Variants in NOTCH2 observed in about 807,000 individuals in gnomAD.
NOTCH2 encodes notch receptor 2.
A neutral mutation model predicts 235.8 loss-of-function variants in NOTCH2; 29 were observed. The observed-to-expected ratio is 0.12, with a 90% CI of 0.09 to 0.17. NOTCH2 has a LOEUF of 0.17. NOTCH2 is among the 10% of genes least tolerant of loss of function. The pLI is 1.00. For synonymous variants in NOTCH2, 1,086 were observed against 1,141.5 expected, an observed-to-expected ratio of 0.95 and a Z score of 0.98; for missense variants, 2,285 against 3,150.2, an observed-to-expected ratio of 0.73 and a Z score of 6.57.
chr1:119,965,365 G>T, intron 10 of NOTCH2, 88 bp downstream of exon 10: 2 of 1,050,892 alleles, frequency 1.9e-6, no homozygotes, highest in Non-Finnish European at 3.0e-6. Context: ...GGACTGGCCT[G>T]GCACAGCAGC....
intron 2 of NOTCH2, among the ~76,000 whole-genome samples, chr1:120,009,432 C>G (rs1246798659): frequency 8.6e-5 from 13 of 150,856 alleles, no homozygotes; most frequent in Non-Finnish European, 1.9e-4. Flanking sequence ...TTTACTTTTA[C>G]CTTAGAAGAT....
At chr1:120,048,741 C>G (rs1232350671) in intron 1 of NOTCH2, among the ~76,000 whole-genome samples, 2 of 118,304 alleles carry the variant, frequency 1.7e-5, no homozygotes, top group East Asian at 2.3e-4. Context: ...AGCCACCAAG[C>G]CCAGCCCCAG....
At chr1:120,011,556 C>T (rs1653192648) in intron 2 of NOTCH2, among the ~76,000 whole-genome samples, 1 of 152,134 alleles carries the variant, frequency 6.6e-6, no homozygotes, top group Non-Finnish European at 1.5e-5. Flanking sequence ...TGCCTCCCTT[C>T]CCAGGTATAT....
At chr1:119,977,753 T>C (rs1267545257) in intron 5 of NOTCH2, among the ~76,000 whole-genome samples, 3 of 152,206 alleles carry the variant, frequency 2.0e-5, no homozygotes, top group African/African-American at 7.2e-5. Context: ...AGAAAAATAC[T>C]AAAGTATCTT....
intron 1 of NOTCH2, among the ~76,000 whole-genome samples, chr1:120,065,485 G>A (rs1655471643): frequency 6.6e-6 from 1 of 152,212 alleles, no homozygotes; most frequent in Non-Finnish European, 1.5e-5. Context: ...TTGTACACGA[G>A]ATGGAAGCAA....
At position 119,937,611 on chromosome 1, in the gene NOTCH2, C is replaced by T. The variant is rs1381188438; in HGVS notation, c.3338-145G>A. 3 of 841,266 alleles carry T rather than the reference C, an allele frequency of 3.6e-6. No individual in the cohort carries two copies. The Admixed American group carries it at 6.3e-5, about 18-fold the overall frequency. 52.1% of individuals were successfully genotyped at this position (841,266 alleles called of 1,614,324 possible). Reference sequence around the variant, plus strand: ...TCTTCACAACCCTCAGTACCAGATGCATATTAAAAATAAACCCTGAAAGTG... The same window carrying T: ...TCTTCACAACCCTCAGTACCAGATGTATATTAAAAATAAACCCTGAAAGTG... On this transcript the variant is annotated intron_variant, in intron 20 of 33. Coordinates refer to ENST00000256646, the MANE Select transcript of NOTCH2 (RefSeq NM_024408.4).
chr1:119,925,300 C>G lies in NOTCH2; in HGVS notation c.4511+5G>C. Reference sequence around the variant, plus strand: ...CTTCAGTTCTGGAAAACGTGAAGCCCTTACTTGCATGTCTTGCTGTTCCCC... The same window carrying G: ...CTTCAGTTCTGGAAAACGTGAAGCCGTTACTTGCATGTCTTGCTGTTCCCC... On this transcript the variant is annotated splice_donor_5th_base_variant and intron_variant, in intron 25 of 33. Coordinates refer to ENST00000256646, the MANE Select transcript of NOTCH2 (RefSeq NM_024408.4). 6.2e-7 allele frequency: 1 copy of G among 1,613,466 alleles called. No individual in the cohort carries two copies. Among genetic ancestry groups the G allele is most frequent in the Non-Finnish European group, 8.5e-7 (1 of 1,180,036 alleles).
intron 22 of NOTCH2, chr1:119,935,218 C>T: frequency 2.9e-6 from 4 of 1,371,788 alleles, no homozygotes; most frequent in South Asian, 1.5e-5. Context: ...ATGTTGTATC[C>T]CTTCCATATT....
In NOTCH2 at chr1:119,965,472, A is replaced by G; in HGVS notation, c.1662T>C (p.Tyr554=). 1.2e-6 allele frequency: 2 copies of G among 1,613,740 alleles called. No individual in the cohort carries two copies. The highest frequency in any genetic ancestry group is 1.7e-6 in the Non-Finnish European group (2 of 1,179,612). ...TCTTACCTGTGGCACACTGGCATTC[A>G]TAGCCATTCGGGTGATCGATACACT... ...GAKCIDHPNG[Y]ECQCATGFTG... is the part of the protein sequence containing the mutation. Residue 554 remains tyrosine (Y), a synonymous_variant, in exon 10 of 34, where the codon TAT becomes TAC. Transcript: ENST00000256646.
chr1:119,928,943 G>T (rs1649562631), intron 23 of NOTCH2, 33 bp downstream of exon 23: 7 of 1,570,486 alleles, frequency 4.5e-6, no homozygotes, highest in Non-Finnish European at 5.3e-6. Context: ...ATCCTCCAAG[G>T]CAGAGTGGCC....
intron 29 of NOTCH2, 52 bp downstream of exon 29, chr1:119,921,661 A>C: frequency 6.7e-7 from 1 of 1,485,560 alleles, no homozygotes; most frequent in Non-Finnish European, 9.4e-7. Context: ...CAGAAATTTG[A>C]AATGTAACCA....
chr1:119,918,691 G>A (rs1199732397), intron 31 of NOTCH2, 138 bp from the exon 32 acceptor site: 1 of 803,356 alleles, frequency 1.2e-6, no homozygotes, highest in African/African-American at 1.7e-5. Context: ...TTATCTTTGT[G>A]CCCAAGATTC....
At chr1:119,974,416 T>C (rs1651484593) in intron 5 of NOTCH2, among the ~76,000 whole-genome samples, 1 of 152,176 alleles carries the variant, frequency 6.6e-6, no homozygotes, top group Non-Finnish European at 1.5e-5. Context: ...AGATAACTTG[T>C]TTTTAAAAAC....
chr1:119,979,090 A>T (rs1290251205), intron 5 of NOTCH2, among the ~76,000 whole-genome samples: 2 of 152,236 alleles, frequency 1.3e-5, no homozygotes, highest in Non-Finnish European at 2.9e-5. Context: ...ATAATATAGG[A>T]CATTAGTCTC....
chr1:120,000,341 G>C (rs148059129), intron 3 of NOTCH2, among the ~76,000 whole-genome samples: 11 of 152,022 alleles, frequency 7.2e-5, no homozygotes, highest in Middle Eastern at 3.2e-3. Context: ...CCAGACCATT[G>C]TGGCTAACAA....
intron 25 of NOTCH2, 45 bp downstream of exon 25, chr1:119,925,260 G>GT (rs753637283): frequency 7.6e-5 from 123 of 1,609,686 alleles, no homozygotes; most frequent in Non-Finnish European, 1.0e-4. Flanking sequence ...ACTGAAGTGT[G>GT]TTAGTGACAG....
chr1:119,950,737 C>G lies in NOTCH2; in HGVS notation c.2466G>C (p.Val822=). The change falls in exon 15 of 34, where the codon GTG becomes GTC. Residue 822 remains valine, a synonymous_variant. Transcript: ENST00000256646. ...TCCAGGACCCACCTGTGTATGGCAGCACACAGTGGCAAGTGTAGCCACTTA... is the reference window on the plus strand; with the variant it reads ...TCCAGGACCCACCTGTGTATGGCAGGACACAGTGGCAAGTGTAGCCACTTA... ...DDISGYTCHC[V]LPYTGKNCQT... The G allele has an allele frequency of 6.2e-7, 1 of 1,610,810 alleles. No individual in the cohort carries two copies. The highest frequency in any genetic ancestry group is 1.1e-5 in the South Asian group (1 of 91,020).
At chr1:119,988,811 T>C (rs587664578) in intron 4 of NOTCH2, among the ~76,000 whole-genome samples, 4 of 152,270 alleles carry the variant, frequency 2.6e-5, no homozygotes, top group African/African-American at 9.6e-5. Flanking sequence ...TAAGACTAAA[T>C]ACAGTTGACT....
rs2101114678 is a variant in NOTCH2 at position 119,948,553 on chromosome 1, G to T, written c.2613C>A (p.Thr871=). The stretch of plus-strand genomic sequence containing the variant: ...TGGAGATACACTCGTCAATGTCAAT[G>T]GTACACCGCTGACCTAGGAACACAG... ...CAPGWQGQRC[T]IDIDECISKP... is the part of the protein sequence containing the mutation. The change falls in exon 17 of 34, where the codon ACC becomes ACA. Residue 871 remains threonine (T), a synonymous_variant. Transcript: ENST00000256646. 1.2e-6 allele frequency: 2 copies of T among 1,614,144 alleles called. No individual in the cohort carries two copies. Among genetic ancestry groups the T allele is most frequent in the African/African-American group, 1.3e-5 (1 of 75,044 alleles).
Sources: gnomAD v4.1 joint callset for allele counts (sites outside exome capture counted in the v4.1 genomes callset) on GRCh38, gnomAD v4.1.1 for gene constraint, MANE v1.5 for transcripts, NCBI Gene and HGNC (gene_info 2026-07-23, HGNC 2026-07-21) for gene names.